The following ZFHX4 variants were observed in gnomAD, a reference collection of about 807,000 sequenced individuals.
ZFHX4 encodes zinc finger homeobox 4.
In ZFHX4, 56 loss-of-function variants were observed where a neutral mutation model predicts 267.6. The observed-to-expected ratio is 0.21, with a 90% CI of 0.17 to 0.26. The LOEUF is 0.26. Among genes scored for constraint, ZFHX4 ranks in the 10% least tolerant of loss-of-function variants. The pLI, the probability that ZFHX4 is intolerant of heterozygous loss-of-function variation, is 1.00. For missense variants in ZFHX4, 4,332 were observed against 4,420.0 expected (o/e 0.98, Z 0.56); for synonymous variants, 1,778 against 1,665.6 (o/e 1.07, Z -1.64).
chr8:76,810,451 A>T (rs1218315628), intron 4 of ZFHX4, among the ~76,000 whole-genome samples: 1 of 152,150 alleles, frequency 6.6e-6, no homozygotes, highest in Non-Finnish European at 1.5e-5. Context: ...CAGGCTCCTC[A>T]GATAACTGCT....
chr8:76,841,100 G>A (rs1434259294), intron 5 of ZFHX4, among the ~76,000 whole-genome samples: 3 of 152,196 alleles, frequency 2.0e-5, no homozygotes, highest in Admixed American at 6.5e-5. Context: ...TTGTGCAGAG[G>A]CAAAGGGCAA....
chr8:76,749,101 G>T (rs1442055558), intron 3 of ZFHX4, among the ~76,000 whole-genome samples: 1 of 152,152 alleles, frequency 6.6e-6, no homozygotes, highest in African/African-American at 2.4e-5. Flanking sequence ...CTAAATTCCA[G>T]CAATCCAAGC....
chr8:76,801,642 C>G (rs1811120100), intron 4 of ZFHX4, among the ~76,000 whole-genome samples: 1 of 152,252 alleles, frequency 6.6e-6, no homozygotes, highest in Non-Finnish European at 1.5e-5. Flanking sequence ...TAAATCAAGA[C>G]ACATGCTAAT....
intron 4 of ZFHX4, among the ~76,000 whole-genome samples, chr8:76,810,107 T>C (rs148983407): frequency 5.0e-4 from 76 of 152,352 alleles, no homozygotes; most frequent in African/African-American, 1.8e-3. Flanking sequence ...CCACATAGTT[T>C]TAACATTTGT....
At position 76,778,250 on chromosome 8, in the gene ZFHX4, T is replaced by A. The variant is rs776451509; in HGVS notation, c.3136T>A (p.Tyr1046Asn). ...QEGAVNPESC[Y>N]YYCAVCDYTT... is the part of the protein sequence containing the mutation. ...GGGTGCAGTGAATCCCGAATCCTGCTATTACTACTGTGCCGTGTGTGATTA... is the reference window on the plus strand; with the variant it reads ...GGGTGCAGTGAATCCCGAATCCTGCAATTACTACTGTGCCGTGTGTGATTA... The change falls in exon 4 of 11, where the codon TAT becomes AAT. Residue 1046 changes from tyrosine (Y) to asparagine (N), a missense_variant. By Grantham distance (143) the Tyr-to-Asn change is moderately radical. Around this residue, in one of 7 missense-constraint regions of ZFHX4, gnomAD observed 1,371 missense variants for 1,423.1 expected, o/e 0.96. Transcript: ENST00000651372. 2 of 1,613,734 alleles carry A rather than the reference T, an allele frequency of 1.2e-6. No homozygotes were observed. Among genetic ancestry groups the A allele is most frequent in the South Asian group, 2.2e-5 (2 of 91,066 alleles).
rs61729524 is a variant in ZFHX4, at chr8:76,707,711, C to A, written c.2756C>A (p.Ala919Asp). ...CNKFTSDSLE[A>D]LSVHVSSERS... ...AAATTCACCTCTGACAGCCTGGAGG[C>A]CCTAAGTGTGCATGTGAGCAGTGAG... The change falls in exon 3 of 11, where the codon GCC becomes GAC. Residue 919 changes from alanine (A) to aspartate (D), a missense_variant. Physicochemically the swap from Ala to Asp is moderately radical, Grantham distance 126. This residue lies in a region of ZFHX4 where 1,195 missense variants were observed against 1,173.6 expected (regional missense o/e 1.02). Transcript: ENST00000651372. 1 of 1,613,718 alleles carries A rather than the reference C, an allele frequency of 6.2e-7. No individual in the cohort carries two copies. The highest frequency in any genetic ancestry group is 8.5e-7 in the Non-Finnish European group (1 of 1,179,864).
Position 76,852,306 on chromosome 8 carries a change from A to G in ZFHX4, c.5385A>G (p.Ile1795Met). 2 of 1,558,198 alleles carry G rather than the reference A, an allele frequency of 1.3e-6. No homozygotes were observed. The highest frequency in any genetic ancestry group is 1.4e-5 in the African/African-American group (1 of 73,390). The stretch of plus-strand genomic sequence containing the variant: ...ACGTTGGTCAAACTCAACTCCAGAT[A>G]CTACAGCAACAAGCACAACAATACC... ...QHHVGQTQLQ[I>M]LQQQAQQYQA... The change falls in exon 10 of 11, where the codon ATA becomes ATG. Residue 1795 changes from isoleucine (I) to methionine (M), a missense_variant. By Grantham distance (10) the Ile-to-Met change is conservative (BLOSUM62 1). This residue lies in a region of ZFHX4 where 1,371 missense variants were observed against 1,423.1 expected (regional missense o/e 0.96). Coordinates refer to ENST00000651372, the MANE Select transcript of ZFHX4 (RefSeq NM_024721.5).
intron 1 of ZFHX4, among the ~76,000 whole-genome samples, chr8:76,685,059 T>C (rs760695530): frequency 6.6e-6 from 1 of 152,196 alleles, no homozygotes; most frequent in Non-Finnish European, 1.5e-5. Flanking sequence ...CTCCATTAAC[T>C]GGAAAACCCC....
At position 76,748,376 on chromosome 8, in the gene ZFHX4, T is replaced by C. The variant is rs79598021; in HGVS notation, c.3094-29832T>C. 2.2e-3 allele frequency among the ~76,000 whole-genome samples: 340 copies of C among 152,322 alleles called. 6 individuals carry two copies. In the East Asian group the frequency reaches 0.041, roughly 19 times the overall value. On this transcript the variant is annotated intron_variant, in intron 3 of 10. Coordinates refer to ENST00000651372, the MANE Select transcript of ZFHX4 (RefSeq NM_024721.5). ...CAATCAATTGCCAAACTTTATAATT[T>C]TGTATTTAATATCTTTTCTTAATTA...
chr8:76,842,807 TA>T, intron 6 of ZFHX4, 36 bp downstream of exon 6: 1 of 1,444,982 alleles, frequency 6.9e-7, no homozygotes, highest in Non-Finnish European at 9.5e-7. Context: ...GGCATTTCCC[TA>T]TACCCATTCC....
chr8:76,755,618 T>C (rs1314054048), intron 3 of ZFHX4, among the ~76,000 whole-genome samples: 1 of 152,172 alleles, frequency 6.6e-6, no homozygotes, highest in Non-Finnish European at 1.5e-5. Context: ...ATGGATACTG[T>C]TTGAAAGGCT....
At chr8:76,743,522 A>G (rs1809376228) in intron 3 of ZFHX4, among the ~76,000 whole-genome samples, 1 of 152,228 alleles carries the variant, frequency 6.6e-6, no homozygotes. Context: ...TTTATGAGGA[A>G]ACCTTAAAAC....
At chr8:76,703,932 T>G in intron 1 of ZFHX4, 111 bp from the exon 2 acceptor site, 1 of 806,812 alleles carries the variant, frequency 1.2e-6, no homozygotes, top group Non-Finnish European at 1.9e-6. Flanking sequence ...GTTTTTCCCC[T>G]TACCTTTTTA....
intron 3 of ZFHX4, among the ~76,000 whole-genome samples, chr8:76,746,828 T>C (rs1809471916): frequency 6.6e-6 from 1 of 152,266 alleles, no homozygotes; most frequent in Non-Finnish European, 1.5e-5. Context: ...CCACCTCTCC[T>C]TGGTACAGTC....
rs778253982 is a variant in ZFHX4, at chr8:76,706,194, G to C, written c.2106G>C (p.Glu702Asp). 1 of 1,614,046 alleles carries C rather than the reference G, an allele frequency of 6.2e-7. No individual in the cohort carries two copies. Among genetic ancestry groups the C allele is most frequent in the South Asian group, 1.1e-5 (1 of 91,062 alleles). ...YTCGYKPFRC[E>D]VCNYSTTTKG... ...GTGGCTATAAACCCTTCCGTTGTGA[G>C]GTTTGTAACTACTCTACCACTACCA... The change falls in exon 2 of 11, where the codon GAG (glutamate) becomes GAC (aspartate). Residue 702 changes from glutamate to aspartate, a missense_variant. Physicochemically the swap from Glu to Asp is conservative, Grantham distance 45. Around this residue, in one of 7 missense-constraint regions of ZFHX4, gnomAD observed 1,195 missense variants for 1,173.6 expected, o/e 1.02. Transcript: ENST00000651372.
At chr8:76,774,370 T>C (rs1810350607) in intron 3 of ZFHX4, among the ~76,000 whole-genome samples, 1 of 152,172 alleles carries the variant, frequency 6.6e-6, no homozygotes, top group Non-Finnish European at 1.5e-5. Flanking sequence ...GATTTAAAAA[T>C]AGACGTTCTT....
intron 3 of ZFHX4, among the ~76,000 whole-genome samples, chr8:76,734,227 T>A (rs1809098329): frequency 6.6e-6 from 1 of 152,200 alleles, no homozygotes; most frequent in Non-Finnish European, 1.5e-5. Flanking sequence ...TGTTAAAATG[T>A]TATGGACATG....
intron 3 of ZFHX4, among the ~76,000 whole-genome samples, chr8:76,760,870 A>G (rs1185720510): frequency 2.1e-5 from 3 of 145,848 alleles, no homozygotes; most frequent in Non-Finnish European, 4.5e-5. Flanking sequence ...TTGAGGCTGC[A>G]GTGAGCAGTG....
intron 3 of ZFHX4, among the ~76,000 whole-genome samples, chr8:76,760,119 T>A (rs538470638): frequency 1.1e-3 from 166 of 152,320 alleles, no homozygotes; most frequent in African/African-American, 3.8e-3. Flanking sequence ...GTTCATTAGA[T>A]AAGAAAAAAT....
Sources: gnomAD v4.1 joint callset for allele counts (sites outside exome capture counted in the v4.1 genomes callset) on GRCh38, gnomAD v4.1.1 for gene constraint, gnomAD v4.1.1 regional missense constraint, MANE v1.5 for transcripts, NCBI Gene and HGNC (gene_info 2026-07-23, HGNC 2026-07-21) for gene names.